Variants in CRB2 observed in about 807,000 individuals in gnomAD.
CRB2 encodes crumbs cell polarity complex component 2.
Under a neutral mutation model 110.9 loss-of-function variants are expected in CRB2, and 85 were observed. The observed-to-expected ratio is 0.77, with a 90% CI of 0.64 to 0.92. The LOEUF is 0.92. CRB2 is among the 40% of genes least tolerant of loss of function. The pLI is 0.00. For missense variants in CRB2, 1,843 were observed against 1,851.3 expected (o/e 1.00, Z 0.08); for synonymous variants, 907 against 831.0 (o/e 1.09, Z -1.57).
Position 123,373,915 on chromosome 9 carries a change from C to A in CRB2, c.3384C>A (p.Arg1128=). The change falls in exon 10 of 13, where the codon CGC becomes CGA. Residue 1128 remains arginine, a synonymous_variant. Transcript: ENST00000373631. ...GCCCGCCTGGCTTCGGGGGCCCGCG[C>A]TGCAGGTGGGATGGCTGGGCAGGGG... is the stretch of plus-strand genomic sequence containing the variant. ...CRCPPGFGGP[R]CRLPVPSKEC... 1 of 1,550,014 alleles carries A rather than the reference C, an allele frequency of 6.5e-7. No individual in the cohort carries two copies. The highest frequency in any genetic ancestry group is 8.7e-7 in the Non-Finnish European group (1 of 1,147,876).
rs1430661202 is a variant in CRB2 at position 123,377,327 on chromosome 9, G to A, written c.*265G>A. The A allele has an allele frequency of 1.7e-5, 8 of 484,726 alleles. No homozygotes were observed. Among genetic ancestry groups the A allele is most frequent in the Admixed American group, 7.3e-5 (2 of 27,250 alleles). The allele number at this position is 484,726 out of a possible 1,614,324, so 30.0% of individuals were successfully genotyped here. A position where few individuals can be genotyped will look rare whatever the true frequency, so the allele number is the denominator to read the frequency against. On this transcript the variant is annotated 3_prime_UTR_variant, in exon 13 of 13. Coordinates refer to ENST00000373631, the MANE Select transcript of CRB2 (RefSeq NM_173689.7). ...TACGGCTGTGCGTGGGAGGGCACAC[G>A]TGGGTTCACAGTGTGTTCAGGAGTG... is the stretch of plus-strand genomic sequence containing the variant.
rs368809598 is a variant in CRB2, at chr9:123,373,099, C to T, written c.2603-35C>T. 5,696 of 1,442,766 alleles carry T rather than the reference C, an allele frequency of 3.9e-3. 12 individuals carry two copies. Among genetic ancestry groups the T allele is most frequent in the Non-Finnish European group, 4.8e-3 (5,228 of 1,097,506 alleles). 89.4% of individuals were successfully genotyped at this position (1,442,766 alleles called of 1,614,324 possible). The stretch of plus-strand genomic sequence containing the variant: ...GAGGTGGCATTTCTGGAGAAGGCTC[C>T]GTGGGCTATTCCCTGAGGCTCCTTC... On this transcript the variant is annotated intron_variant, in intron 9 of 12. Coordinates refer to ENST00000373631, the MANE Select transcript of CRB2 (RefSeq NM_173689.7).
Position 123,356,232 on chromosome 9 carries a change from C to A in CRB2, c.-29C>A, listed in dbSNP as rs2041795629. 2 of 1,358,452 alleles carry A rather than the reference C, an allele frequency of 1.5e-6. No homozygotes were observed. Among genetic ancestry groups the A allele is most frequent in the African/African-American group, 1.9e-5 (1 of 52,910 alleles). The allele number at this position is 1,358,452 out of a possible 1,614,324, so 84.1% of individuals were successfully genotyped here. ...CCAGGCCGCCCTCCCGTTCTCACAG[C>A]AGCCGAGCAGAGCGCAGAGCGGGCT... On this transcript the variant is annotated 5_prime_UTR_variant, in exon 1 of 13. Transcript: ENST00000373631.
chr9:123,356,422 C>G (rs188808517), intron 1 of CRB2, 68 bp downstream of exon 1: 1 of 1,297,286 alleles, frequency 7.7e-7, no homozygotes, highest in African/African-American at 1.5e-5. Context: ...TACCCCAAGC[C>G]TTGGCTGCTG....
Position 123,370,891 on chromosome 9 carries a change from C to T in CRB2, c.1838C>T (p.Pro613Leu). 1 of 1,612,764 alleles carries T rather than the reference C, an allele frequency of 6.2e-7. No individual in the cohort carries two copies. The highest frequency in any genetic ancestry group is 8.5e-7 in the Non-Finnish European group (1 of 1,180,024). The change falls in exon 7 of 13, where the codon CCT becomes CTT. Residue 613 changes from proline to leucine, a missense_variant. Physicochemically the swap from Pro to Leu is moderately conservative, Grantham distance 98. Transcript: ENST00000373631. ...CERREQCRPLPCVHGGSCVDL... is the reference protein window; with the variant it reads ...CERREQCRPLLCVHGGSCVDL... ...CGCCGAGAGCAGTGCCGGCCTCTGCCTTGTGTCCACGGAGGGTCCTGTGTG... is the reference window on the plus strand; with the variant it reads ...CGCCGAGAGCAGTGCCGGCCTCTGCTTTGTGTCCACGGAGGGTCCTGTGTG...
At position 123,359,436 on chromosome 9, in the gene CRB2, G is replaced by GTT. The variant is rs1319039345; in HGVS notation, c.94+3085_94+3086dup. Among the ~76,000 whole-genome samples the GTT allele has an allele frequency of 6.4e-3, 400 of 62,264 alleles. 20 individuals are homozygous for GTT. Among genetic ancestry groups the GTT allele is most frequent in the African/African-American group, 0.024 (367 of 15,254 alleles). The allele number at this position is 62,264 out of a possible 152,430, so 40.8% of individuals were successfully genotyped here. A position where few individuals can be genotyped will look rare whatever the true frequency, so the allele number is the denominator to read the frequency against. On this transcript the variant is annotated intron_variant, in intron 1 of 12. Transcript: ENST00000373631. ...TTTTTGTTTGTGGTTTTTCGTTTTT[G>GTT]TTTTGTTTTTTTTTTTTTTTTTTTT...
At chr9:123,374,032 C>CA in intron 10 of CRB2, 112 bp downstream of exon 10, 8 of 1,328,088 alleles carry the variant, frequency 6.0e-6, no homozygotes, top group South Asian at 1.3e-5. Flanking sequence ...GTCCTCATGT[C>CA]CTTATCTGTG....
chr9:123,367,475 C>A, intron 5 of CRB2, 98 bp from the exon 6 acceptor site: 7 of 1,130,940 alleles, frequency 6.2e-6, no homozygotes, highest in Non-Finnish European at 8.4e-6. Context: ...AGTCTGCCCT[C>A]TCTCTTGGAC....
chr9:123,371,463 G>A lies in CRB2; in HGVS notation c.2321G>A (p.Gly774Asp). The stretch of plus-strand genomic sequence containing the variant: ...TGCCTCCAGGACCTGCGACTCGATG[G>A]CTGCCACCTCCCCTTCTTTCCTCTG... ...RGCLQDLRLD[G>D]CHLPFFPLPL... The change falls in exon 8 of 13, where the codon GGC becomes GAC. Residue 774 changes from glycine to aspartate, a missense_variant. Physicochemically the swap from Gly to Asp is moderately conservative, Grantham distance 94. Coordinates refer to ENST00000373631, the MANE Select transcript of CRB2 (RefSeq NM_173689.7). 6.2e-7 allele frequency: 1 copy of A among 1,613,146 alleles called. No individual in the cohort carries two copies. The highest frequency in any genetic ancestry group is 8.5e-7 in the Non-Finnish European group (1 of 1,180,034).
chr9:123,358,803 C>G (rs2041828734), intron 1 of CRB2, among the ~76,000 whole-genome samples: 2 of 152,376 alleles, frequency 1.3e-5, no homozygotes, highest in South Asian at 4.1e-4. Context: ...CGAGGACAGA[C>G]TGGCTTACTC....
intron 12 of CRB2, 27 bp downstream of exon 12, chr9:123,375,370 G>A (rs373198126): frequency 2.2e-5 from 35 of 1,556,500 alleles, no homozygotes; most frequent in Middle Eastern, 1.7e-4. Context: ...GTGAGGGGCC[G>A]TGGACGTGGC....
In CRB2 at chr9:123,373,908, G is replaced by T. The variant is rs914566640; in HGVS notation, c.3377G>T (p.Gly1126Val). 4.5e-6 allele frequency: 7 copies of T among 1,549,062 alleles called. No homozygotes were observed. Among genetic ancestry groups the T allele is most frequent in the African/African-American group, 1.4e-5 (1 of 73,094 alleles). ...TGCCGCTGCCCGCCTGGCTTCGGGG[G>T]CCCGCGCTGCAGGTGGGATGGCTGG... ...FECRCPPGFGGPRCRLPVPSK... is the reference protein window; with the variant it reads ...FECRCPPGFGVPRCRLPVPSK... Residue 1126 changes from glycine to valine, a missense_variant, in exon 10 of 13, where the codon GGC becomes GTC. By Grantham distance (109) the Gly-to-Val change is moderately radical. Coordinates refer to ENST00000373631, the MANE Select transcript of CRB2 (RefSeq NM_173689.7).
chr9:123,367,342 C>T lies in CRB2; in HGVS notation c.925C>T (p.Pro309Ser), dbSNP rs1564371983. The T allele has an allele frequency of 1.2e-6, 2 of 1,602,406 alleles. No homozygotes were observed. Among genetic ancestry groups the T allele is most frequent in the Non-Finnish European group, 8.5e-7 (1 of 1,179,516 alleles). ...TGCTGCGGGTTTCCTGTGCCACTGC[C>T]CTCCTGGCTTTGAGGGTGAGCCCCT... ...RHAAGFLCHC[P>S]PGFEGADCGV... Residue 309 changes from proline to serine, a missense_variant, in exon 5 of 13, where the codon CCT becomes TCT. By Grantham distance (74) the Pro-to-Ser change is moderately conservative (BLOSUM62 -1). Coordinates refer to ENST00000373631, the MANE Select transcript of CRB2 (RefSeq NM_173689.7).
chr9:123,366,208 G>T lies in CRB2; in HGVS notation c.615-19G>T. On this transcript the variant is annotated intron_variant, in intron 3 of 12. Coordinates refer to ENST00000373631, the MANE Select transcript of CRB2 (RefSeq NM_173689.7). ...AAGGGGCAGGCGCGCGCTCAGCTCC[G>T]CCGGTGCGCCCTCCCCAGGTTCCGG... 4 of 1,409,414 alleles carry T rather than the reference G, an allele frequency of 2.8e-6. No individual in the cohort carries two copies. Among genetic ancestry groups the T allele is most frequent in the Non-Finnish European group, 3.7e-6 (4 of 1,091,896 alleles). 87.3% of individuals were successfully genotyped at this position (1,409,414 alleles called of 1,614,324 possible).
chr9:123,374,491 C>T, intron 10 of CRB2, 88 bp from the exon 11 acceptor site: 1 of 896,230 alleles, frequency 1.1e-6, no homozygotes, highest in Non-Finnish European at 1.8e-6. Context: ...TACATGAGAA[C>T]ACAAGCTCAG....
At chr9:123,360,000 G>C (rs1363526760) in intron 1 of CRB2, among the ~76,000 whole-genome samples, 3 of 151,982 alleles carry the variant, frequency 2.0e-5, no homozygotes, top group African/African-American at 7.3e-5. Context: ...AACAATATGT[G>C]AGTGGCAATT....
At position 123,373,140 on chromosome 9, in the gene CRB2, C is replaced by T. The variant is rs757720576; in HGVS notation, c.2609C>T (p.Ala870Val). The change falls in exon 10 of 13, where the codon GCG becomes GTG. Residue 870 changes from alanine to valine, a missense_variant. Ala to Val is a moderately conservative substitution (Grantham distance 64). Transcript: ENST00000373631. ...AGGCTCCTTCTCTCCGCAGGTGTGGCGGAGGCCACGTTCCGCGAGGGTCCC... is the reference window on the plus strand; with the variant it reads ...AGGCTCCTTCTCTCCGCAGGTGTGGTGGAGGCCACGTTCCGCGAGGGTCCC... ...EEVPDGFVCVAEATFREGPPA... is the reference protein window; with the variant it reads ...EEVPDGFVCVVEATFREGPPA... 41 of 1,504,276 alleles carry T rather than the reference C, an allele frequency of 2.7e-5. No individual in the cohort carries two copies. Among genetic ancestry groups the T allele is most frequent in the Non-Finnish European group, 3.4e-5 (38 of 1,131,566 alleles). 93.2% of individuals were successfully genotyped at this position (1,504,276 alleles called of 1,614,324 possible). A position where few individuals can be genotyped will look rare whatever the true frequency, so the allele number is the denominator to read the frequency against.
intron 11 of CRB2, 143 bp from the exon 12 acceptor site, chr9:123,375,074 C>A: frequency 1.6e-6 from 2 of 1,279,640 alleles, no homozygotes; most frequent in Non-Finnish European, 2.2e-6. Flanking sequence ...CCTGGCAGGG[C>A]CCAGCTGGGC....
intron 10 of CRB2, 153 bp downstream of exon 10, chr9:123,374,073 T>C: frequency 9.6e-7 from 1 of 1,044,302 alleles, no homozygotes. Context: ...TTTGATAAAT[T>C]TCCTGATAAA....
Sources: allele counts gnomAD v4.1 joint callset (sites outside exome capture counted in the v4.1 genomes callset), GRCh38; gene constraint gnomAD v4.1.1; transcripts MANE v1.5; gene names NCBI Gene and HGNC (gene_info 2026-07-23, HGNC 2026-07-21).